ATP2A3: variants seen among roughly 807,000 people sequenced by gnomAD.
ATP2A3 encodes the protein sarcoplasmic/endoplasmic reticulum calcium ATPase 3.
Under a neutral mutation model 106.8 loss-of-function variants are expected in ATP2A3, and 61 were observed. The observed-to-expected ratio is 0.57, with a 90% CI of 0.46 to 0.71. The LOEUF (loss-of-function observed/expected upper bound fraction) is 0.71, where lower values mean the gene tolerates loss of function less well. Ranked by LOEUF, ATP2A3 falls within the 30% of genes least tolerant of loss-of-function variation. The probability of loss-of-function intolerance (pLI) is 0.00; values close to 1 mark genes in which losing one functional copy is unlikely to be tolerated. For synonymous variants in ATP2A3, 611 were observed against 609.3 expected (o/e 1.00, Z -0.04); for missense variants, 1,201 against 1,423.5 (o/e 0.84, Z 2.52).
Position 3,938,812 on chromosome 17 carries a change from C to T in ATP2A3, c.2101-1176G>A, listed in dbSNP as rs563767287. Among the ~76,000 whole-genome samples, 15 of 152,286 alleles carry T rather than the reference C, an allele frequency of 9.8e-5. 1 individual carries two copies. In the South Asian group the frequency reaches 3.1e-3, roughly 32 times the overall value. ...TCAACCTCCGAAAGTGCTGGGATTACAGGCGTGAGCCACCGTGCCCGGCCA... is the reference window on the plus strand; with the variant it reads ...TCAACCTCCGAAAGTGCTGGGATTATAGGCGTGAGCCACCGTGCCCGGCCA... On this transcript the variant is annotated intron_variant, in intron 14 of 20. Transcript: ENST00000397041.
intron 12 of ATP2A3, 75 bp from the exon 13 acceptor site, chr17:3,941,729 A>G: frequency 6.7e-7 from 1 of 1,495,780 alleles, no homozygotes; most frequent in Non-Finnish European, 9.1e-7. Context: ...CAAACTCAGG[A>G]AACTGAGACT....
At position 3,930,215 on chromosome 17, in the gene ATP2A3, C is replaced by A; in HGVS notation, c.2744+86G>T. On this transcript the variant is annotated intron_variant, in intron 18 of 20. Transcript: ENST00000397041. The surrounding 1 kb of genome is among the most constrained non-coding windows in gnomAD (Gnocchi z 5.4). ...GGCCCTGCGCCCAGCCCACCTGGAC[C>A]CCTGACCCTCAGACACTGATACTGG... 8.4e-7 allele frequency: 1 copy of A among 1,186,000 alleles called. No individual in the cohort carries two copies. Among genetic ancestry groups the A allele is most frequent in the African/African-American group, 1.7e-5 (1 of 59,834 alleles). 73.5% of individuals were successfully genotyped at this position (1,186,000 alleles called of 1,614,324 possible).
chr17:3,937,336 T>C (rs2065163409), intron 15 of ATP2A3, 80 bp downstream of exon 15: 1 of 1,474,090 alleles, frequency 6.8e-7, no homozygotes, highest in Non-Finnish European at 9.3e-7. Flanking sequence ...CTGCAGCGCA[T>C]CCGAGGAACA....
Position 3,928,789 on chromosome 17 carries a change from G to A in ATP2A3, c.2863-9C>T, listed in dbSNP as rs1383562463. 3 of 1,549,026 alleles carry A rather than the reference G, an allele frequency of 1.9e-6. No individual in the cohort carries two copies. Among genetic ancestry groups the A allele is most frequent in the South Asian group, 1.2e-5 (1 of 84,172 alleles). Reference sequence around the variant, plus strand: ...GTCACCTGGAAAATGAGCTGGCGGGGAGGGGAAGGGAGGTTTGGTTAAAGG... The same window carrying A: ...GTCACCTGGAAAATGAGCTGGCGGGAAGGGGAAGGGAGGTTTGGTTAAAGG... On this transcript the variant is annotated splice_polypyrimidine_tract_variant and intron_variant, in intron 19 of 20. Transcript: ENST00000397041. This position sits in a 1 kb window ranked among gnomAD's most constrained non-coding sequence, Gnocchi z 6.1.
At chr17:3,939,559 C>T (rs180782942) in intron 14 of ATP2A3, among the ~76,000 whole-genome samples, 119 of 151,952 alleles carry the variant, frequency 7.8e-4, no homozygotes, top group Non-Finnish European at 1.4e-3. Flanking sequence ...GAGGCTGAGG[C>T]GGGCGGATCA....
At chr17:3,939,862 CA>C (rs2053647584) in intron 14 of ATP2A3, among the ~76,000 whole-genome samples, 1 of 142,274 alleles carries the variant, frequency 7.0e-6, no homozygotes, top group Admixed American at 7.1e-5. Context: ...AGCCCCAAAC[CA>C]AAACAGTCCA....
At chr17:3,957,768 C>T (rs891134831) in intron 1 of ATP2A3, among the ~76,000 whole-genome samples, 11 of 152,224 alleles carry the variant, frequency 7.2e-5, no homozygotes, top group East Asian at 1.9e-4. Flanking sequence ...CTTGAAATGG[C>T]GGCCTTGGGC....
At position 3,929,561 on chromosome 17, in the gene ATP2A3, C is replaced by G. The variant is rs551553498; in HGVS notation, c.2745-116G>C. ...TAGCGGTGCATTGCTGTTGCCCGCT[C>G]GGCCTGCCAGGGCCTGTCCCGGGCT... On this transcript the variant is annotated intron_variant, in intron 18 of 20. Coordinates refer to ENST00000397041, the MANE Select transcript of ATP2A3 (RefSeq NM_005173.4). The surrounding 1 kb of genome is among the most constrained non-coding windows in gnomAD (Gnocchi z 4.3). 5.6e-6 allele frequency: 5 copies of G among 899,092 alleles called. No homozygotes were observed. The highest frequency in any genetic ancestry group is 1.6e-5 in the South Asian group (1 of 64,190). The allele number at this position is 899,092 out of a possible 1,614,324, so 55.7% of individuals were successfully genotyped here. A position where few individuals can be genotyped will look rare whatever the true frequency, so the allele number is the denominator to read the frequency against.
rs913549032 is a variant in ATP2A3, at chr17:3,926,664, G to A, written c.2981-1223C>T. On this transcript the variant is annotated intron_variant, in intron 20 of 20. Transcript: ENST00000397041. The surrounding 1 kb of genome is among the most constrained non-coding windows in gnomAD (Gnocchi z 4.6). The stretch of plus-strand genomic sequence containing the variant: ...AGCTCACTGCAACCTCCACCTCCCA[G>A]GTTCAAGTGATTCTCCTGCCTCAGC... Among the ~76,000 whole-genome samples, 3 of 152,172 alleles carry A rather than the reference G, an allele frequency of 2.0e-5. No individual in the cohort carries two copies. The highest frequency in any genetic ancestry group is 7.2e-5 in the African/African-American group (3 of 41,442).
chr17:3,932,724 G>A (rs574684097), intron 17 of ATP2A3, among the ~76,000 whole-genome samples: 9 of 151,930 alleles, frequency 5.9e-5, no homozygotes, highest in Admixed American at 3.9e-4. Flanking sequence ...ATAGGCGTGA[G>A]CAGCCACACG....
At chr17:3,935,975 T>C (rs1277362222) in intron 16 of ATP2A3, among the ~76,000 whole-genome samples, 1 of 152,140 alleles carries the variant, frequency 6.6e-6, no homozygotes, top group African/African-American at 2.4e-5. Flanking sequence ...GATAAAAGAC[T>C]CTCTCTTCTG....
intron 17 of ATP2A3, among the ~76,000 whole-genome samples, chr17:3,932,492 T>G (rs1282580167): frequency 6.6e-6 from 1 of 152,112 alleles, no homozygotes; most frequent in Non-Finnish European, 1.5e-5. Context: ...CAGGCTGGAG[T>G]GCAGTGGCAC....
At position 3,936,924 on chromosome 17, in the gene ATP2A3, C is replaced by G; in HGVS notation, c.2322-455G>C. 1 of 327,146 alleles carries G rather than the reference C, an allele frequency of 3.1e-6. No homozygotes were observed. Among genetic ancestry groups the G allele is most frequent in the South Asian group, 2.7e-5 (1 of 36,894 alleles). The allele number at this position is 327,146 out of a possible 1,614,324, so 20.3% of individuals were successfully genotyped here. Reference sequence around the variant, plus strand: ...GCTCACCATTCCCCACAGGCATCCTCACATGTGAATACGAGTGTGTGCACA... The same window carrying G: ...GCTCACCATTCCCCACAGGCATCCTGACATGTGAATACGAGTGTGTGCACA... On this transcript the variant is annotated intron_variant, in intron 15 of 20. Transcript: ENST00000397041. The surrounding 1 kb of genome is among the most constrained non-coding windows in gnomAD (Gnocchi z 5.4).
chr17:3,931,565 G>A (rs552882937), intron 17 of ATP2A3, among the ~76,000 whole-genome samples: 32,451 of 147,154 alleles, frequency 0.22, 4,980 homozygotes, highest in African/African-American at 0.44. Context: ...TCTGTCACCC[G>A]AGCTGGAGTG....
Position 3,953,286 on chromosome 17 carries a change from A to G in ATP2A3, c.219+61T>C. The stretch of plus-strand genomic sequence containing the variant: ...GCTCCAGGACCTCGGAGCACTGCCC[A>G]GCCTGGCTCTCCCTCCAGGGCTACC... On this transcript the variant is annotated intron_variant, in intron 3 of 20. Coordinates refer to ENST00000397041, the MANE Select transcript of ATP2A3 (RefSeq NM_005173.4). The surrounding 1 kb of genome is among the most constrained non-coding windows in gnomAD (Gnocchi z 5.1). 6.3e-7 allele frequency: 1 copy of G among 1,574,854 alleles called. No individual in the cohort carries two copies. Among genetic ancestry groups the G allele is most frequent in the South Asian group, 1.1e-5 (1 of 90,230 alleles).
chr17:3,954,696 T>C (rs982399737), intron 1 of ATP2A3, among the ~76,000 whole-genome samples: 5 of 151,882 alleles, frequency 3.3e-5, no homozygotes, highest in Non-Finnish European at 7.4e-5. Context: ...GGGGTTTCAC[T>C]ATGTTGGCCA....
Position 3,953,532 on chromosome 17 carries a change from C to T in ATP2A3, c.137-103G>A, listed in dbSNP as rs1286156604. Reference sequence around the variant, plus strand: ...CCTCCCGGCCCATTCCCTCCCTGCACTCAGAAGAGGGAGAACCCAGGTCGC... The same window carrying T: ...CCTCCCGGCCCATTCCCTCCCTGCATTCAGAAGAGGGAGAACCCAGGTCGC... On this transcript the variant is annotated intron_variant, in intron 2 of 20. Transcript: ENST00000397041. This position sits in a 1 kb window ranked among gnomAD's most constrained non-coding sequence, Gnocchi z 5.1. 3 of 1,502,642 alleles carry T rather than the reference C, an allele frequency of 2.0e-6. No individual in the cohort carries two copies. Among genetic ancestry groups the T allele is most frequent in the African/African-American group, 2.8e-5 (2 of 72,234 alleles). The allele number at this position is 1,502,642 out of a possible 1,614,324, so 93.1% of individuals were successfully genotyped here. A position where few individuals can be genotyped will look rare whatever the true frequency, so the allele number is the denominator to read the frequency against.
At position 3,930,195 on chromosome 17, in the gene ATP2A3, T is replaced by A; in HGVS notation, c.2744+106A>T. The stretch of plus-strand genomic sequence containing the variant: ...ACTCCTCGGCCCCAGCTCCAGGCCC[T>A]GCGCCCAGCCCACCTGGACCCCTGA... On this transcript the variant is annotated intron_variant, in intron 18 of 20. Coordinates refer to ENST00000397041, the MANE Select transcript of ATP2A3 (RefSeq NM_005173.4). This position sits in a 1 kb window ranked among gnomAD's most constrained non-coding sequence, Gnocchi z 5.4. 1 of 1,115,448 alleles carries A rather than the reference T, an allele frequency of 9.0e-7. No homozygotes were observed. The allele number at this position is 1,115,448 out of a possible 1,614,324, so 69.1% of individuals were successfully genotyped here.
rs758748246 is a variant in ATP2A3 at position 3,928,307 on chromosome 17, G to C, written c.2980+356C>G. The C allele has an allele frequency of 1.2e-6, 2 of 1,613,196 alleles. No individual in the cohort carries two copies. Among genetic ancestry groups the C allele is most frequent in the Admixed American group, 1.7e-5 (1 of 60,024 alleles). On this transcript the variant is annotated intron_variant, in intron 20 of 20. Transcript: ENST00000397041. This position sits in a 1 kb window ranked among gnomAD's most constrained non-coding sequence, Gnocchi z 6.1. Reference sequence around the variant, plus strand: ...CTCCAGGCCTGCGAGACTGTCCTGAGAAGGCCTGGATAAAGACAGGCTGGG... The same window carrying C: ...CTCCAGGCCTGCGAGACTGTCCTGACAAGGCCTGGATAAAGACAGGCTGGG...
Sources: allele counts gnomAD v4.1 joint callset (sites outside exome capture counted in the v4.1 genomes callset), GRCh38; gene constraint gnomAD v4.1.1; non-coding constraint Gnocchi (gnomAD v3.1); transcripts MANE v1.5; gene names NCBI Gene and HGNC (gene_info 2026-07-23, HGNC 2026-07-21).